Variants in CLEC12B observed in about 807,000 individuals in gnomAD.
CLEC12B encodes macrophage antigen h.
A neutral mutation model predicts 36.1 loss-of-function variants in CLEC12B; 25 were observed. That is an observed-to-expected ratio of 0.69 (90% confidence interval 0.50 to 0.97). The LOEUF is 0.97. Ranked by LOEUF, CLEC12B falls within the 50% of genes least tolerant of loss-of-function variation. CLEC12B has a pLI of 0.00. For missense variants in CLEC12B, 325 were observed against 318.4 expected (o/e 1.02, Z -0.16); for synonymous variants, 110 against 108.5 (o/e 1.01, Z -0.09).
rs372608281 is a variant in CLEC12B, at chr12:10,010,822, C to A, written c.63C>A (p.Asn21Lys). ...TFQDSAGARN[N>K]RDGNNLRKRG... ...AGGATTCTGCTGGAGCAAGGAATAACCGAGATGGAAATAACCTAAGAAAAA... is the reference window on the plus strand; with the variant it reads ...AGGATTCTGCTGGAGCAAGGAATAAACGAGATGGAAATAACCTAAGAAAAA... The change falls in exon 1 of 6, where the codon AAC (asparagine) becomes AAA (lysine). Residue 21 changes from asparagine (N) to lysine (K), a missense_variant. Asn to Lys is a moderately conservative substitution (Grantham distance 94, BLOSUM62 0). Transcript: ENST00000338896. 5.6e-6 allele frequency: 9 copies of A among 1,611,506 alleles called. No homozygotes were observed. Among genetic ancestry groups the A allele is most frequent in the African/African-American group, 4.0e-5 (3 of 74,858 alleles).
Position 10,018,317 on chromosome 12 carries a change from A to T in CLEC12B, c.681-14A>T, listed in dbSNP as rs1198270992. 7.3e-7 allele frequency: 1 copy of T among 1,368,426 alleles called. No individual in the cohort carries two copies. The highest frequency in any genetic ancestry group is 1.5e-5 in the African/African-American group (1 of 67,682). 84.8% of individuals were successfully genotyped at this position (1,368,426 alleles called of 1,614,324 possible). On this transcript the variant is annotated splice_polypyrimidine_tract_variant and intron_variant, in intron 5 of 5. Coordinates refer to ENST00000338896, the MANE Select transcript of CLEC12B (RefSeq NM_001129998.3). ...AAATACAGAATTTATAATTAATTTTAAATTAATTTTCAGATTTAGTACTAA... is the reference window on the plus strand; with the variant it reads ...AAATACAGAATTTATAATTAATTTTTAATTAATTTTCAGATTTAGTACTAA...
At chr12:10,009,179 T>G (rs1261325203), upstream of CLEC12B, among the ~76,000 whole-genome samples, 2 of 152,130 alleles carry the variant, frequency 1.3e-5, no homozygotes. Flanking sequence ...CCTTCCATGC[T>G]GTGGAAGGTT....
chr12:10,017,953 T>C (rs888176096), intron 5 of CLEC12B: 1 of 957,660 alleles, frequency 1.0e-6, no homozygotes, highest in African/African-American at 1.8e-5. Context: ...TACAACAGAA[T>C]GTGATTTTAT....
upstream of CLEC12B, among the ~76,000 whole-genome samples, chr12:10,010,171 CTCTCTCTCTGTCTCTCTCTG>C (rs554040461): frequency 2.0e-4 from 29 of 142,888 alleles, no homozygotes; most frequent in East Asian, 4.0e-3. Context: ...CTCTCTGTCT[CTCTCTCTCTGTCTCTCTCTG>C]TCTCTCTCTC....
At chr12:10,010,206 A>T (rs557996676), upstream of CLEC12B, among the ~76,000 whole-genome samples, 6,589 of 144,252 alleles carry the variant, frequency 0.046, 157 homozygotes, top group African/African-American at 0.067. Flanking sequence ...TCTCTCACAC[A>T]CACACACACA....
upstream of CLEC12B, among the ~76,000 whole-genome samples, chr12:10,007,581 A>G: frequency 6.6e-6 from 1 of 152,252 alleles, no homozygotes; most frequent in East Asian, 1.9e-4. Flanking sequence ...TTGTAGAAAG[A>G]GAAGACAGAA....
At chr12:10,018,057 T>G in intron 5 of CLEC12B, 1 of 736,018 alleles carries the variant, frequency 1.4e-6, no homozygotes, top group South Asian at 6.0e-5. Flanking sequence ...TACATATTTA[T>G]GAAGGAAATA....
chr12:10,017,081 A>G, intron 5 of CLEC12B: 1 of 985,302 alleles, frequency 1.0e-6, no homozygotes, highest in Non-Finnish European at 1.2e-6. Context: ...AAACAATGGT[A>G]GGTCTATTAT....
At chr12:10,009,136 AC>A (rs1865267088), upstream of CLEC12B, among the ~76,000 whole-genome samples, 1 of 151,892 alleles carries the variant, frequency 6.6e-6, no homozygotes, top group South Asian at 2.1e-4. Context: ...AAAGCTAGCC[AC>A]CCCAGCCAGC....
Position 10,015,234 on chromosome 12 carries a change from G to T in CLEC12B, c.410-18G>T, listed in dbSNP as rs1307019247. ...TAGAGTCTTCAGTTTATATTATTGG[G>T]TATAATTTCCTTTTCAGACCACAGA... On this transcript the variant is annotated intron_variant, in intron 3 of 5. Coordinates refer to ENST00000338896, the MANE Select transcript of CLEC12B (RefSeq NM_001129998.3). 1.9e-6 allele frequency: 3 copies of T among 1,600,698 alleles called. No individual in the cohort carries two copies. In the African/African-American group the frequency reaches 4.0e-5, roughly 22 times the overall value.
At position 10,012,775 on chromosome 12, in the gene CLEC12B, C is replaced by T. The variant is rs780448753; in HGVS notation, c.92-10C>T. On this transcript the variant is annotated splice_polypyrimidine_tract_variant and intron_variant, in intron 1 of 5. Coordinates refer to ENST00000338896, the MANE Select transcript of CLEC12B (RefSeq NM_001129998.3). ...TTCTGTGTGCTGATTGCTCTTTTGGCTTTCTCCAGGGCATCCAGCTCCATC... is the reference window on the plus strand; with the variant it reads ...TTCTGTGTGCTGATTGCTCTTTTGGTTTTCTCCAGGGCATCCAGCTCCATC... 64 of 1,609,848 alleles carry T rather than the reference C, an allele frequency of 4.0e-5. No homozygotes were observed. The highest frequency in any genetic ancestry group is 5.0e-5 in the Non-Finnish European group (59 of 1,177,358).
At chr12:10,017,267 A>C (rs1865509326) in intron 5 of CLEC12B, 1 of 985,284 alleles carries the variant, frequency 1.0e-6, no homozygotes, top group Non-Finnish European at 1.2e-6. Flanking sequence ...TACACAAACA[A>C]AAAAAGTGAC....
At chr12:10,012,651 T>G (rs1311608348) in intron 1 of CLEC12B, 134 bp from the exon 2 acceptor site, 1 of 639,970 alleles carries the variant, frequency 1.6e-6, no homozygotes, top group Non-Finnish European at 2.7e-6. Flanking sequence ...AGGTATTTTC[T>G]AAATGAGGGC....
intron 3 of CLEC12B, 66 bp downstream of exon 3, chr12:10,014,807 T>C: frequency 9.4e-7 from 1 of 1,064,896 alleles, no homozygotes; most frequent in Non-Finnish European, 1.4e-6. Context: ...GTTGATCACA[T>C]GTACCACCTA....
At chr12:10,015,164 T>A in intron 3 of CLEC12B, 88 bp from the exon 4 acceptor site, 1 of 1,105,138 alleles carries the variant, frequency 9.0e-7, no homozygotes, top group Non-Finnish European at 1.3e-6. Flanking sequence ...TCAGTCCCTA[T>A]TGTTCAATTA....
At chr12:10,016,980 T>A in intron 5 of CLEC12B, 1 of 981,504 alleles carries the variant, frequency 1.0e-6, no homozygotes, top group Non-Finnish European at 1.2e-6. Flanking sequence ...TTAAAGCATG[T>A]TGTCAACGTT....
chr12:10,012,809 G>C lies in CLEC12B; in HGVS notation c.116G>C (p.Trp39Ser). 1 of 1,613,568 alleles carries C rather than the reference G, an allele frequency of 6.2e-7. No homozygotes were observed. Among genetic ancestry groups the C allele is most frequent in the Non-Finnish European group, 8.5e-7 (1 of 1,179,836 alleles). Residue 39 changes from tryptophan (W) to serine (S), a missense_variant, in exon 2 of 6, where the codon TGG (tryptophan) becomes TCG (serine). Trp to Ser is a radical substitution (Grantham distance 177, BLOSUM62 -3). Coordinates refer to ENST00000338896, the MANE Select transcript of CLEC12B (RefSeq NM_001129998.3). The stretch of plus-strand genomic sequence containing the variant: ...GGGCATCCAGCTCCATCTCCCATTT[G>C]GCGTCATGCTGCTCTGGGTCTGGTA... ...KRGHPAPSPIWRHAALGLVTL... is the reference protein window; with the variant it reads ...KRGHPAPSPISRHAALGLVTL...
upstream of CLEC12B, among the ~76,000 whole-genome samples, chr12:10,010,049 A>G (rs933512540): frequency 1.3e-5 from 2 of 152,138 alleles, no homozygotes; most frequent in Admixed American, 6.5e-5. Flanking sequence ...TTGTTCTGTT[A>G]GGAACTTTCC....
rs1470252312 is a variant in CLEC12B at position 10,014,519 on chromosome 12, G to A, written c.191-4G>A. On this transcript the variant is annotated splice_polypyrimidine_tract_variant and splice_region_variant and intron_variant, in intron 2 of 5. Coordinates refer to ENST00000338896, the MANE Select transcript of CLEC12B (RefSeq NM_001129998.3). ...ATGAACTTGTCTCCTGTCATGTCTT[G>A]GAGTTTTGCAGATATCTAATGACAT... is the stretch of plus-strand genomic sequence containing the variant. 1 of 1,603,966 alleles carries A rather than the reference G, an allele frequency of 6.2e-7. No individual in the cohort carries two copies. Among genetic ancestry groups the A allele is most frequent in the African/African-American group, 1.3e-5 (1 of 74,794 alleles).
Sources: gnomAD v4.1 joint callset for allele counts (sites outside exome capture counted in the v4.1 genomes callset) on GRCh38, gnomAD v4.1.1 for gene constraint, MANE v1.5 for transcripts, NCBI Gene and HGNC (gene_info 2026-07-23, HGNC 2026-07-21) for gene names.